Variants in CFAP54 observed in about 807,000 individuals in gnomAD.
CFAP54 encodes the protein cilia- and flagella-associated protein 54.
CFAP54 carries 290 observed loss-of-function variants against 370.4 expected under a neutral mutation model. That is an observed-to-expected ratio of 0.78 (90% CI 0.71 to 0.86). CFAP54 has a LOEUF of 0.86. Among genes scored for constraint, CFAP54 ranks in the 40% least tolerant of loss-of-function variants. The pLI is 0.00. For missense variants in CFAP54, 3,399 were observed against 3,528.7 expected (o/e 0.96, Z 0.93); for synonymous variants, 1,206 against 1,236.5 (o/e 0.98, Z 0.52).
chr12:96,683,333 A>G (rs1957291648), intron 40 of CFAP54, among the ~76,000 whole-genome samples: 1 of 152,232 alleles, frequency 6.6e-6, no homozygotes. Context: ...TGTATTGGTG[A>G]CTCAAATACT....
chr12:96,855,937 A>G (rs1432708981), intron 66 of CFAP54, among the ~76,000 whole-genome samples: 1 of 152,182 alleles, frequency 6.6e-6, no homozygotes, highest in African/African-American at 2.4e-5. Context: ...CCTGTCTGCA[A>G]CATACTTCTG....
intron 62 of CFAP54, among the ~76,000 whole-genome samples, chr12:96,789,196 G>A (rs143894921): frequency 6.6e-6 from 1 of 152,230 alleles, no homozygotes; most frequent in African/African-American, 2.4e-5. Context: ...TTCACTTCCT[G>A]CAAACATTTT....
At chr12:96,760,593 C>T (rs943052968) in intron 58 of CFAP54, among the ~76,000 whole-genome samples, 4 of 152,178 alleles carry the variant, frequency 2.6e-5, no homozygotes, top group African/African-American at 9.7e-5. Flanking sequence ...AGTGCAGTGG[C>T]GTGATCTAGG....
In CFAP54 at chr12:96,670,913, A is replaced by T. The variant is rs573930156; in HGVS notation, c.5563+6981A>T. ...CAGATGTCTGACTAATGAGCTCATC[A>T]TCTTCTTTATGTTGTTATGTACCTC... On this transcript the variant is annotated intron_variant, in intron 39 of 67. Transcript: ENST00000524981. 1.7e-4 allele frequency among the ~76,000 whole-genome samples: 26 copies of T among 152,306 alleles called. No individual in the cohort carries two copies. The South Asian group carries it at 5.4e-3, about 32-fold the overall frequency.
rs566321998 is a variant in CFAP54 at position 96,682,812 on chromosome 12, A to G, written c.5717-1836A>G. ...CAGCCTGGAGACAGAAGAAGCTTCCAGCCTCCTCTGTTTACCCATTTTCTT... is the reference window on the plus strand; with the variant it reads ...CAGCCTGGAGACAGAAGAAGCTTCCGGCCTCCTCTGTTTACCCATTTTCTT... On this transcript the variant is annotated intron_variant, in intron 40 of 67. Transcript: ENST00000524981. 2.0e-5 allele frequency among the ~76,000 whole-genome samples: 3 copies of G among 152,348 alleles called. No homozygotes were observed. In the East Asian group the frequency reaches 5.8e-4, roughly 29 times the overall value.
chr12:96,685,195 T>C lies in CFAP54; in HGVS notation c.5971T>C (p.Trp1991Arg). ...GGAGTTTCTGTCAAGAGTTGGCATC[T>C]GGGGGTGTTTGCAAGGAGCAGTCAT... ...SEEFLSRVGIWGCLQGAVISA... is the reference protein window; with the variant it reads ...SEEFLSRVGIRGCLQGAVISA... The change falls in exon 42 of 68, where the codon TGG (tryptophan) becomes CGG (arginine). Residue 1991 changes from tryptophan to arginine, a missense_variant. Coordinates refer to ENST00000524981, the MANE Select transcript of CFAP54 (RefSeq NM_001306084.2). 1 of 1,614,112 alleles carries C rather than the reference T, an allele frequency of 6.2e-7. No homozygotes were observed. The highest frequency in any genetic ancestry group is 2.2e-5 in the East Asian group (1 of 44,878).
intron 13 of CFAP54, among the ~76,000 whole-genome samples, chr12:96,539,831 C>T (rs1955551218): frequency 6.6e-6 from 1 of 151,966 alleles, no homozygotes; most frequent in African/African-American, 2.4e-5. Context: ...TTTAAAAGAG[C>T]TACTTTATAG....
chr12:96,492,457 T>C (rs2136340138), intron 1 of CFAP54, among the ~76,000 whole-genome samples: 1 of 152,346 alleles, frequency 6.6e-6, no homozygotes, highest in East Asian at 1.9e-4. Context: ...TGGCTCCTTT[T>C]TTCAGGCCTC....
chr12:96,491,226 G>A (rs569254397), intron 1 of CFAP54, among the ~76,000 whole-genome samples: 1 of 152,232 alleles, frequency 6.6e-6, no homozygotes, highest in African/African-American at 2.4e-5. Flanking sequence ...AGATATGGGA[G>A]CAATTGATGA....
At chr12:96,640,794 T>G (rs994133022) in intron 32 of CFAP54, among the ~76,000 whole-genome samples, 5 of 152,170 alleles carry the variant, frequency 3.3e-5, no homozygotes. Flanking sequence ...TATCTGATCT[T>G]TGACAAACCT....
Position 96,580,578 on chromosome 12 carries a change from T to C in CFAP54, c.2797-19T>C. The C allele has an allele frequency of 2.8e-6, 4 of 1,443,210 alleles. No individual in the cohort carries two copies. Among genetic ancestry groups the C allele is most frequent in the Non-Finnish European group, 3.7e-6 (4 of 1,093,878 alleles). 89.4% of individuals were successfully genotyped at this position (1,443,210 alleles called of 1,614,324 possible). A position where few individuals can be genotyped will look rare whatever the true frequency, so the allele number is the denominator to read the frequency against. Reference sequence around the variant, plus strand: ...ATAAAAGAATGCCTTTTAAACAGGCTCATTTTTCTCGTCGGCAGGTCTCCT... The same window carrying C: ...ATAAAAGAATGCCTTTTAAACAGGCCCATTTTTCTCGTCGGCAGGTCTCCT... On this transcript the variant is annotated intron_variant, in intron 20 of 67. Coordinates refer to ENST00000524981, the MANE Select transcript of CFAP54 (RefSeq NM_001306084.2).
intron 55 of CFAP54, among the ~76,000 whole-genome samples, chr12:96,752,133 A>AGAGAGAGAGAGAGAGAGAG (rs1671757016): frequency 1.5e-5 from 2 of 129,410 alleles, no homozygotes; most frequent in Admixed American, 7.7e-5. Context: ...AGAGAGAGAG[A>AGAGAGAGAGAGAGAGAGAG]TTGAGGCTGT....
chr12:96,535,182 TAGGATTACA>T (rs775333976), intron 11 of CFAP54, among the ~76,000 whole-genome samples: 4 of 152,018 alleles, frequency 2.6e-5, no homozygotes, highest in Non-Finnish European at 5.9e-5. Context: ...CCCGAGTAGC[TAGGATTACA>T]GTGACTTGCC....
chr12:96,611,046 T>C (rs1487139063), intron 26 of CFAP54, among the ~76,000 whole-genome samples: 2 of 152,174 alleles, frequency 1.3e-5, no homozygotes, highest in Non-Finnish European at 2.9e-5. Context: ...GTAGTGGTTC[T>C]CCCAGCATGG....
At chr12:96,655,974 A>T in intron 36 of CFAP54, among the ~76,000 whole-genome samples, 1 of 152,278 alleles carries the variant, frequency 6.6e-6, no homozygotes. Flanking sequence ...AATTAATATA[A>T]TTTTGGGGAT....
chr12:96,519,167 C>A, intron 6 of CFAP54, 96 bp downstream of exon 6: 1 of 1,217,922 alleles, frequency 8.2e-7, no homozygotes, highest in Non-Finnish European at 1.1e-6. Context: ...GATGTGATCT[C>A]GGCTCACTGC....
chr12:96,677,915 A>G (rs144973670), intron 39 of CFAP54, among the ~76,000 whole-genome samples: 9 of 152,182 alleles, frequency 5.9e-5, no homozygotes, highest in Non-Finnish European at 1.2e-4. Flanking sequence ...TGGGCTCATA[A>G]TGACTCCAGG....
At position 96,718,440 on chromosome 12, in the gene CFAP54, T is replaced by C; in HGVS notation, c.6725-3T>C. 6.9e-7 allele frequency: 1 copy of C among 1,444,670 alleles called. No homozygotes were observed. Among genetic ancestry groups the C allele is most frequent in the Non-Finnish European group, 9.7e-7 (1 of 1,027,990 alleles). The allele number at this position is 1,444,670 out of a possible 1,614,324, so 89.5% of individuals were successfully genotyped here. A position where few individuals can be genotyped will look rare whatever the true frequency, so the allele number is the denominator to read the frequency against. On this transcript the variant is annotated splice_region_variant and splice_polypyrimidine_tract_variant and intron_variant, in intron 48 of 67. Transcript: ENST00000524981. ...GTCCTTCCAAAATTTTGTGTCTTTA[T>C]AGAGATATATTCAAAGGATGATGGA... is the stretch of plus-strand genomic sequence containing the variant.
At chr12:96,791,855 T>C (rs1325574596) in intron 62 of CFAP54, among the ~76,000 whole-genome samples, 2 of 150,566 alleles carry the variant, frequency 1.3e-5, no homozygotes, top group Non-Finnish European at 3.0e-5. Flanking sequence ...TTTTTTCTTT[T>C]TTTTTTTTTT....
Sources: allele counts gnomAD v4.1 joint callset (sites outside exome capture counted in the v4.1 genomes callset), GRCh38; gene constraint gnomAD v4.1.1; transcripts MANE v1.5; gene names NCBI Gene and HGNC (gene_info 2026-07-23, HGNC 2026-07-21).